AP3D1: variants seen among roughly 807,000 people sequenced by gnomAD.
AP3D1 encodes adaptor related protein complex 3 subunit delta 1, also known as AP-3 complex subunit delta-1.
Under a neutral mutation model 147.6 loss-of-function variants are expected in AP3D1, and 51 were observed. The ratio of observed to expected loss-of-function variants is 0.35; its 90% CI spans 0.28 to 0.44. AP3D1 has a LOEUF of 0.44. Among genes scored for constraint, AP3D1 ranks in the 20% least tolerant of loss-of-function variants. The pLI is 1.00. For synonymous variants in AP3D1, 760 were observed against 663.0 expected (o/e 1.15, Z -2.25); for missense variants, 1,421 against 1,624.2 (o/e 0.87, Z 2.15).
At chr19:2,155,866 C>A (rs373021061), upstream of AP3D1, among the ~76,000 whole-genome samples, 3 of 151,964 alleles carry the variant, frequency 2.0e-5, no homozygotes, top group Non-Finnish European at 4.4e-5. Context: ...TCCTGGCTAA[C>A]ACGGTGAAAC....
At chr19:2,151,890 C>G (rs2019535124), upstream of AP3D1, among the ~76,000 whole-genome samples, 1 of 152,224 alleles carries the variant, frequency 6.6e-6, no homozygotes, top group East Asian at 1.9e-4. Context: ...GGGCGGGGCG[C>G]CCACGTGGAG....
At chr19:2,158,962 A>C (rs1333094658) in intron 1 of AP3D1, among the ~76,000 whole-genome samples, 1 of 152,074 alleles carries the variant, frequency 6.6e-6, no homozygotes, top group African/African-American at 2.4e-5. Context: ...GGAGTCGTCT[A>C]GGTCAGATCT....
upstream of AP3D1, among the ~76,000 whole-genome samples, chr19:2,153,759 C>G (rs200712069): frequency 1.3e-5 from 2 of 151,760 alleles, no homozygotes; most frequent in Admixed American, 6.6e-5. Flanking sequence ...CTATCGGGAA[C>G]AGTAGAGGAA....
chr19:2,157,224 C>T (rs189621459), intron 1 of AP3D1, among the ~76,000 whole-genome samples: 9,682 of 151,152 alleles, frequency 0.064, 550 homozygotes, highest in African/African-American at 0.14. Context: ...GGGCGGATCA[C>T]GAGGTCAGGA....
intron 8 of AP3D1, among the ~76,000 whole-genome samples, chr19:2,127,872 G>C (rs1167198445): frequency 6.6e-6 from 1 of 152,212 alleles, no homozygotes; most frequent in Admixed American, 6.5e-5. Flanking sequence ...AATCACCATG[G>C]AGTCGCAGCT....
chr19:2,106,092 C>G (rs867950351), intron 31 of AP3D1, among the ~76,000 whole-genome samples: 4 of 150,528 alleles, frequency 2.7e-5, no homozygotes, highest in Middle Eastern at 3.4e-3. Context: ...GACTCCATCT[C>G]AAAAAAAAAG....
chr19:2,108,663 T>A, intron 31 of AP3D1, 24 bp downstream of exon 31: 1 of 1,559,758 alleles, frequency 6.4e-7, no homozygotes. Flanking sequence ...GGAGCCAGGG[T>A]GTGCACAGCA....
chr19:2,129,057 G>T (rs202019263), intron 8 of AP3D1, 33 bp downstream of exon 8: 2 of 1,533,598 alleles, frequency 1.3e-6, no homozygotes, highest in Non-Finnish European at 8.8e-7. Context: ...CCGTGGAGCC[G>T]GCCCGCCCCC....
chr19:2,163,941 C>G (rs2019808130), intron 1 of AP3D1, among the ~76,000 whole-genome samples: 1 of 149,768 alleles, frequency 6.7e-6, no homozygotes, highest in African/African-American at 2.4e-5. Flanking sequence ...TCATTGTGCT[C>G]GCTTCACGCC....
intron 11 of AP3D1, 119 bp from the exon 12 acceptor site, chr19:2,121,998 T>A: frequency 8.4e-7 from 1 of 1,192,128 alleles, no homozygotes; most frequent in Middle Eastern, 2.2e-4. Flanking sequence ...CTTGGCAACC[T>A]GGGGGTGGAC....
intron 5 of AP3D1, 77 bp from the exon 6 acceptor site, chr19:2,130,614 C>CT: frequency 9.4e-6 from 15 of 1,589,028 alleles, no homozygotes; most frequent in Non-Finnish European, 1.3e-5. Flanking sequence ...GCCGCCTCCT[C>CT]CACAGAGAGG....
chr19:2,157,036 TCATCCATCCACCCATCTGTCATC>T (rs1170289660), intron 1 of AP3D1, among the ~76,000 whole-genome samples: 3 of 148,122 alleles, frequency 2.0e-5, no homozygotes, highest in South Asian at 2.2e-4. Flanking sequence ...CATCTATCAT[TCATCCATCCACCCATCTGTCATC>T]CATCCATCCA....
Position 2,110,319 on chromosome 19 carries a change from G to A in AP3D1, c.3176-95C>T. On this transcript the variant is annotated intron_variant, in intron 27 of 31. Coordinates refer to ENST00000643116, the MANE Select transcript of AP3D1 (RefSeq NM_001261826.3). The stretch of plus-strand genomic sequence containing the variant: ...TGTCCTCAGTCCCAAGTCCTCTGTG[G>A]CTGATTAGGAAACTGAGCTCAGCCC... 7.5e-6 allele frequency: 8 copies of A among 1,063,584 alleles called. No individual in the cohort carries two copies. The South Asian group carries it at 8.9e-5, about 12-fold the overall frequency. 65.9% of individuals were successfully genotyped at this position (1,063,584 alleles called of 1,614,324 possible). A position where few individuals can be genotyped will look rare whatever the true frequency, so the allele number is the denominator to read the frequency against.
intron 31 of AP3D1, among the ~76,000 whole-genome samples, chr19:2,107,234 T>G (rs1156267844): frequency 6.8e-6 from 1 of 147,550 alleles, no homozygotes; most frequent in Admixed American, 6.9e-5. Context: ...CAGTCCAGCC[T>G]GGGCGACAGA....
At chr19:2,164,099 TC>T (rs1212583082) in intron 1 of AP3D1, 1 of 11,610 alleles carries the variant, frequency 8.6e-5, no homozygotes, top group Non-Finnish European at 2.1e-4. Flanking sequence ...CGCCCCTCCC[TC>T]CCGCCCGCCC....
chr19:2,126,103 AAG>A (rs938785544), intron 9 of AP3D1, among the ~76,000 whole-genome samples: 1 of 149,664 alleles, frequency 6.7e-6, no homozygotes, highest in Non-Finnish European at 1.5e-5. Flanking sequence ...CACCAGCCTC[AAG>A]AGAGACGGGG....
In AP3D1 at chr19:2,114,251, C is replaced by G. The variant is rs374075633; in HGVS notation, c.2475G>C (p.Glu825Asp). The G allele has an allele frequency of 2.1e-5, 34 of 1,613,366 alleles. No individual in the cohort carries two copies. Among genetic ancestry groups the G allele is most frequent in the Non-Finnish European group, 2.6e-5 (31 of 1,179,862 alleles). The change falls in exon 22 of 32, where the codon GAG becomes GAC. Residue 825 changes from glutamate to aspartate, a missense_variant. By Grantham distance (45) the Glu-to-Asp change is conservative (BLOSUM62 2). This residue lies in a region of AP3D1 where 791 missense variants were observed against 761.4 expected (regional missense o/e 1.04). Transcript: ENST00000643116. ...CGTCCTTCTCAGGGGATTTTGAGGT[C>G]TCGGTGTTTCTGTGTTTCTGAATAG... ...KLPIQKHRNT[E>D]TSKSPEKDVP... is the part of the protein sequence containing the mutation.
chr19:2,143,292 G>A (rs1462787533), intron 1 of AP3D1, among the ~76,000 whole-genome samples: 1 of 138,294 alleles, frequency 7.2e-6, no homozygotes, highest in African/African-American at 2.7e-5. Flanking sequence ...CCAGGCTGGA[G>A]TGCAGCAGCG....
At chr19:2,157,358 C>G (rs369561604) in intron 1 of AP3D1, among the ~76,000 whole-genome samples, 1 of 145,022 alleles carries the variant, frequency 6.9e-6, no homozygotes, top group Admixed American at 7.2e-5. Flanking sequence ...AGGAGAATGG[C>G]GTGAACCCGG....
Sources: gnomAD v4.1 joint callset for allele counts (sites outside exome capture counted in the v4.1 genomes callset) on GRCh38, gnomAD v4.1.1 for gene constraint, gnomAD v4.1.1 regional missense constraint, MANE v1.5 for transcripts, NCBI Gene and HGNC (gene_info 2026-07-23, HGNC 2026-07-21) for gene names.